SPDYA: variants seen among roughly 807,000 people sequenced by gnomAD.
The protein encoded by SPDYA is speedy protein A.
A neutral mutation model predicts 36.7 loss-of-function variants in SPDYA; 11 were observed. The ratio of observed to expected loss-of-function variants is 0.30; its 90% CI spans 0.19 to 0.50. The LOEUF is 0.50. SPDYA is among the 20% of genes least tolerant of loss of function. The pLI is 0.98. For missense variants in SPDYA, 287 were observed against 370.9 expected, an observed-to-expected ratio of 0.77 and a Z score of 1.86; for synonymous variants, 115 against 118.7, an observed-to-expected ratio of 0.97 and a Z score of 0.20.
At position 28,811,626 on chromosome 2, in the gene SPDYA, C is replaced by G. The variant is rs950154425; in HGVS notation, c.-93+679C>G. On this transcript the variant is annotated intron_variant, in intron 1 of 7. Transcript: ENST00000334056. This position sits in a 1 kb window ranked among gnomAD's most constrained non-coding sequence, Gnocchi z 4.2. ...CCTTGAGGCCAGGATTCGAGAGCAG[C>G]CCACAGCGAAAACCCCGTCTCTACA... Among the ~76,000 whole-genome samples the G allele has an allele frequency of 2.0e-5, 3 of 151,858 alleles. No individual in the cohort carries two copies. The highest frequency in any genetic ancestry group is 7.3e-5 in the African/African-American group (3 of 41,302).
At chr2:28,822,514 G>A (rs1668193112) in intron 5 of SPDYA, 104 bp downstream of exon 5, 2 of 482,972 alleles carry the variant, frequency 4.1e-6, no homozygotes, top group East Asian at 3.7e-5. Flanking sequence ...CTTTGAATAG[G>A]CCTTCCTGTA....
chr2:28,826,807 G>A (rs1314750532), intron 5 of SPDYA, among the ~76,000 whole-genome samples: 2 of 149,624 alleles, frequency 1.3e-5, no homozygotes, highest in African/African-American at 2.5e-5. Context: ...GTAGAGATGG[G>A]GTTTCTCCAT....
At chr2:28,830,793 A>C (rs1668463057) in intron 6 of SPDYA, among the ~76,000 whole-genome samples, 1 of 152,258 alleles carries the variant, frequency 6.6e-6, no homozygotes, top group Admixed American at 6.5e-5. Flanking sequence ...ATAAATCAGC[A>C]AGACACTAAA....
chr2:28,835,448 G>A (rs1668572026), intron 6 of SPDYA, among the ~76,000 whole-genome samples: 1 of 152,102 alleles, frequency 6.6e-6, no homozygotes. Context: ...TGGTGGCCAG[G>A]CTGGTCTCAA....
At chr2:28,843,060 G>A (rs542538471) in intron 7 of SPDYA, among the ~76,000 whole-genome samples, 1 of 152,292 alleles carries the variant, frequency 6.6e-6, no homozygotes, top group South Asian at 2.1e-4. Flanking sequence ...ATGGTGATCA[G>A]TGCTTCCACC....
chr2:28,846,792 TG>T (rs1398990812), intron 7 of SPDYA, among the ~76,000 whole-genome samples: 1 of 139,540 alleles, frequency 7.2e-6, no homozygotes, highest in African/African-American at 2.7e-5. Flanking sequence ...TGAGGGGAAA[TG>T]AATGGATACT....
rs1208307313 is a variant in SPDYA, at chr2:28,849,905, C to T, written c.906C>T (p.Asp302=). The T allele has an allele frequency of 1.3e-6, 2 of 1,593,904 alleles. No individual in the cohort carries two copies. Among genetic ancestry groups the T allele is most frequent in the Non-Finnish European group, 1.7e-6 (2 of 1,174,300 alleles). ...KGKKTNFLKK[D]KSMEWFTGSE... The stretch of plus-strand genomic sequence containing the variant: ...AGAAAACTAATTTCTTGAAGAAAGA[C>T]AAATCTATGGAGTGGTTTACAGGAA... Residue 302 remains aspartate (D), a synonymous_variant, in exon 8 of 8, where the codon GAC becomes GAT. Transcript: ENST00000334056.
rs115787116 is a variant in SPDYA, at chr2:28,842,510, T to C, written c.850+2041T>C. 2.8e-3 allele frequency among the ~76,000 whole-genome samples: 427 copies of C among 152,198 alleles called. 4 individuals are homozygous for C. The highest frequency in any genetic ancestry group is 9.7e-3 in the African/African-American group (404 of 41,536). On this transcript the variant is annotated intron_variant, in intron 7 of 7. Coordinates refer to ENST00000334056, the MANE Select transcript of SPDYA (RefSeq NM_182756.4). ...AGAAAAAATAAAGGTCTTTGAGGGA[T>C]TGTGGATGAAAAGTGGGGTATTAAC...
At position 28,818,519 on chromosome 2, in the gene SPDYA, C is replaced by T. The variant is rs996281026; in HGVS notation, c.236-529C>T. Reference sequence around the variant, plus strand: ...ATTTTTCTAGATTACATTCTGACAACTATTAATGTATTTTGAGATTATATA... The same window carrying T: ...ATTTTTCTAGATTACATTCTGACAATTATTAATGTATTTTGAGATTATATA... On this transcript the variant is annotated intron_variant, in intron 3 of 7. Coordinates refer to ENST00000334056, the MANE Select transcript of SPDYA (RefSeq NM_182756.4). 2.7e-5 allele frequency among the ~76,000 whole-genome samples: 4 copies of T among 150,454 alleles called. No individual in the cohort carries two copies. The South Asian group carries it at 6.3e-4, about 24-fold the overall frequency.
intron 6 of SPDYA, among the ~76,000 whole-genome samples, chr2:28,834,736 G>T (rs1668553634): frequency 6.6e-6 from 1 of 152,148 alleles, no homozygotes; most frequent in Non-Finnish European, 1.5e-5. Flanking sequence ...AATGGAGTGT[G>T]ATTGCTTTAT....
At chr2:28,832,629 C>G (rs113594476) in intron 6 of SPDYA, among the ~76,000 whole-genome samples, 55 of 152,286 alleles carry the variant, frequency 3.6e-4, no homozygotes, top group African/African-American at 1.3e-3. Context: ...CTCCTGCAGT[C>G]TTCCACATAT....
At chr2:28,828,622 C>G (rs1471145964) in intron 5 of SPDYA, among the ~76,000 whole-genome samples, 1 of 152,194 alleles carries the variant, frequency 6.6e-6, no homozygotes, top group African/African-American at 2.4e-5. Context: ...TGGTCCCCAT[C>G]AAGCATTCAG....
chr2:28,817,613 T>C (rs1316546747), intron 3 of SPDYA, among the ~76,000 whole-genome samples: 1 of 150,302 alleles, frequency 6.7e-6, no homozygotes, highest in African/African-American at 2.5e-5. Context: ...CAGTGGCTCA[T>C]TCCTGTAATC....
At chr2:28,813,704 A>C (rs1221860384) in intron 1 of SPDYA, among the ~76,000 whole-genome samples, 2 of 152,042 alleles carry the variant, frequency 1.3e-5, no homozygotes, top group African/African-American at 4.8e-5. Context: ...GGCGCCTGCC[A>C]CCATGCCCAG....
At chr2:28,831,795 G>A (rs956927361) in intron 6 of SPDYA, among the ~76,000 whole-genome samples, 10 of 152,030 alleles carry the variant, frequency 6.6e-5, no homozygotes, top group African/African-American at 1.4e-4. Flanking sequence ...ACATCTTATC[G>A]TCTATCCTAC....
chr2:28,829,671 C>T (rs879888068), intron 6 of SPDYA, among the ~76,000 whole-genome samples: 6 of 151,216 alleles, frequency 4.0e-5, no homozygotes, highest in South Asian at 2.1e-4. Context: ...AGGCTGGGTG[C>T]GGTGGCTCAC....
At chr2:28,831,649 TA>T (rs1668481000) in intron 6 of SPDYA, among the ~76,000 whole-genome samples, 1 of 152,218 alleles carries the variant, frequency 6.6e-6, no homozygotes, top group African/African-American at 2.4e-5. Context: ...CAATAAACTG[TA>T]AATGTAATGA....
intron 7 of SPDYA, chr2:28,840,675 G>A (rs1321266270): frequency 1.5e-6 from 2 of 1,318,576 alleles, no homozygotes; most frequent in South Asian, 2.1e-5. Flanking sequence ...TTTTTAATGT[G>A]ACCTATGTTA....
Position 28,822,328 on chromosome 2 carries a change from CT to C in SPDYA, c.302del (p.Leu101TrpfsTer3). 1 of 1,514,382 alleles carries C rather than the reference CT, an allele frequency of 6.6e-7. No homozygotes were observed. Among genetic ancestry groups the C allele is most frequent in the East Asian group, 2.3e-5 (1 of 43,310 alleles). 93.8% of individuals were successfully genotyped at this position (1,514,382 alleles called of 1,614,324 possible). ...TTTTTAACTTTTTTCCTTATAGTAT[CT>C]TTTGGCTATGACCTTTGTTTATTTC... ...DCCCKIADKY[L>X]LAMTFVYFKR... On this transcript the variant is annotated frameshift_variant, in exon 5 of 8. Transcript: ENST00000334056. LOFTEE classifies it high-confidence loss of function.
Sources: allele counts gnomAD v4.1 joint callset (sites outside exome capture counted in the v4.1 genomes callset), GRCh38; gene constraint gnomAD v4.1.1; non-coding constraint Gnocchi (gnomAD v3.1); transcripts MANE v1.5; gene names NCBI Gene and HGNC (gene_info 2026-07-23, HGNC 2026-07-21).